Variants in TRPM3 observed in about 807,000 individuals in gnomAD.
The protein encoded by TRPM3 is transient receptor potential cation channel subfamily M member 3, also known as long transient receptor potential channel 3.
In TRPM3, 77 loss-of-function variants were observed where a neutral mutation model predicts 181.2. That is an observed-to-expected ratio of 0.42 (90% confidence interval 0.35 to 0.51). The LOEUF is 0.51. Ranked by LOEUF, TRPM3 falls within the 20% of genes least tolerant of loss-of-function variation. The pLI, the probability that TRPM3 is intolerant of heterozygous loss-of-function variation, is 0.01. For synonymous variants in TRPM3, 745 were observed against 796.4 expected, an observed-to-expected ratio of 0.94 and a Z score of 1.09; for missense variants, 1,759 against 2,196.7, an observed-to-expected ratio of 0.80 and a Z score of 3.98.
chr9:71,096,206 T>G (rs981517074), intron 1 of TRPM3, among the ~76,000 whole-genome samples: 3 of 151,072 alleles, frequency 2.0e-5, no homozygotes, highest in African/African-American at 7.3e-5. Flanking sequence ...AGAACAATGT[T>G]GCAAATGCTA....
chr9:70,978,317 A>G (rs919574311), intron 1 of TRPM3, among the ~76,000 whole-genome samples: 2 of 152,218 alleles, frequency 1.3e-5, no homozygotes, highest in African/African-American at 4.8e-5. Context: ...CTGCTTATAT[A>G]TTTATGTCCA....
chr9:70,854,302 A>G (rs1260127675), intron 3 of TRPM3, among the ~76,000 whole-genome samples: 1 of 152,238 alleles, frequency 6.6e-6, no homozygotes, highest in African/African-American at 2.4e-5. Flanking sequence ...CATAAGCAGC[A>G]TGATACTTGA....
At chr9:70,554,443 G>A (rs1181720919) in intron 22 of TRPM3, among the ~76,000 whole-genome samples, 2 of 152,124 alleles carry the variant, frequency 1.3e-5, no homozygotes, top group African/African-American at 2.4e-5. Context: ...GAATCTACTC[G>A]GCTGGAGTAC....
chr9:71,243,921 T>C (rs2081878298), intron 1 of TRPM3, among the ~76,000 whole-genome samples: 1 of 50,428 alleles, frequency 2.0e-5, no homozygotes, highest in South Asian at 8.4e-4. Flanking sequence ...TAAGATCATG[T>C]TTGATTTTAA....
chr9:71,031,029 A>G (rs993233468), intron 1 of TRPM3, among the ~76,000 whole-genome samples: 1 of 152,174 alleles, frequency 6.6e-6, no homozygotes, highest in African/African-American at 2.4e-5. Flanking sequence ...TCTAGATAAT[A>G]TCTTGGGCTG....
intron 1 of TRPM3, among the ~76,000 whole-genome samples, chr9:70,954,025 C>T (rs2097035553): frequency 6.6e-6 from 1 of 152,120 alleles, no homozygotes; most frequent in African/African-American, 2.4e-5. Context: ...ATTACATCCA[C>T]CTCCAAAAAT....
Position 71,422,501 on chromosome 9 carries a change from TCC to T in TRPM3, c.183+24150_183+24151del, listed in dbSNP as rs200119257. ...TGCCCCCTTGACCACATGCCTAATT[TCC>T]CAAGGAGTCTCAAGAGACATTTTAT... On this transcript the variant is annotated intron_variant, in intron 1 of 24. Coordinates refer to the TRPM3 transcript ENST00000357533. Among the ~76,000 whole-genome samples the T allele has an allele frequency of 9.4e-3, 1,437 of 152,162 alleles. 11 individuals are homozygous for T. The highest frequency in any genetic ancestry group is 0.041 in the Middle Eastern group (12 of 294).
intron 1 of TRPM3, among the ~76,000 whole-genome samples, chr9:71,150,502 T>C (rs2075675760): frequency 2.6e-5 from 4 of 152,136 alleles, no homozygotes; most frequent in African/African-American, 9.6e-5. Context: ...AAAGAGTAAA[T>C]AGTTTCAATA....
At chr9:70,797,083 T>C (rs1461400220) in intron 6 of TRPM3, among the ~76,000 whole-genome samples, 1 of 152,184 alleles carries the variant, frequency 6.6e-6, no homozygotes, top group Non-Finnish European at 1.5e-5. Context: ...TGAGCTGTGA[T>C]TGTGCCACTG....
At position 71,239,088 on chromosome 9, in the gene TRPM3, CA is replaced by C. The variant is rs929454771; in HGVS notation, c.183+207564del. On this transcript the variant is annotated intron_variant, in intron 1 of 24. Coordinates refer to the TRPM3 transcript ENST00000357533. ...TTGAAGAAGGAAAAAAACAAACAAA[CA>C]AAAAAAAACAGCATTTTAAAACTCT... Among the ~76,000 whole-genome samples the C allele has an allele frequency of 1.9e-3, 291 of 150,016 alleles. 3 individuals carry two copies. Among genetic ancestry groups the C allele is most frequent in the African/African-American group, 6.3e-3 (258 of 40,932 alleles).
At chr9:71,433,164 A>G (rs2093983189) in intron 1 of TRPM3, among the ~76,000 whole-genome samples, 1 of 152,162 alleles carries the variant, frequency 6.6e-6, no homozygotes, top group African/African-American at 2.4e-5. Flanking sequence ...TGAATGACCA[A>G]TTGCAGAATT....
At chr9:70,974,556 A>G (rs142771561) in intron 1 of TRPM3, among the ~76,000 whole-genome samples, 43,201 of 150,718 alleles carry the variant, frequency 0.29, 6,220 homozygotes, top group East Asian at 0.36. Context: ...ACAAACAAAC[A>G]AACAAACAAA....
chr9:70,605,523 C>A (rs956903233), intron 19 of TRPM3, among the ~76,000 whole-genome samples: 1 of 151,570 alleles, frequency 6.6e-6, no homozygotes, highest in South Asian at 2.1e-4. Context: ...GGAGCATTGG[C>A]AAATCATGAA....
chr9:71,059,369 T>G (rs1157064142), intron 1 of TRPM3, among the ~76,000 whole-genome samples: 2 of 151,992 alleles, frequency 1.3e-5, no homozygotes, highest in African/African-American at 4.8e-5. Flanking sequence ...TAATAAAACC[T>G]TAAAACATAT....
chr9:71,097,503 TCTTAGCTTAAAA>T (rs1390773490), intron 1 of TRPM3, among the ~76,000 whole-genome samples: 1 of 152,120 alleles, frequency 6.6e-6, no homozygotes, highest in African/African-American at 2.4e-5. Context: ...TCCAAACTTC[TCTTAGCTTAAAA>T]CTTACTTATC....
chr9:70,892,787 T>C lies in TRPM3; in HGVS notation c.178-28276A>G, dbSNP rs950374544. Among the ~76,000 whole-genome samples, 5 of 152,198 alleles carry C rather than the reference T, an allele frequency of 3.3e-5. No homozygotes were observed. The East Asian group carries it at 7.7e-4, about 23-fold the overall frequency. Reference sequence around the variant, plus strand: ...TTAATGTATGTGGTTAAAATGTAAGTGGTTAAAATCAGTAATTATTATTAC... The same window carrying C: ...TTAATGTATGTGGTTAAAATGTAAGCGGTTAAAATCAGTAATTATTATTAC... On this transcript the variant is annotated intron_variant, in intron 1 of 25. Transcript: ENST00000677713.
intron 1 of TRPM3, among the ~76,000 whole-genome samples, chr9:70,992,458 C>T (rs2097497261): frequency 6.6e-6 from 1 of 152,166 alleles, no homozygotes. Flanking sequence ...CTACTATGTG[C>T]TGGGTACTGT....
intron 8 of TRPM3, among the ~76,000 whole-genome samples, chr9:70,696,380 C>T (rs948968719): frequency 9.2e-5 from 14 of 152,320 alleles, no homozygotes; most frequent in African/African-American, 2.9e-4. Context: ...CCTCCTAATA[C>T]ACATCCTCAG....
chr9:70,998,200 TAC>T (rs2097562232), intron 1 of TRPM3, among the ~76,000 whole-genome samples: 2 of 145,466 alleles, frequency 1.4e-5, no homozygotes, highest in East Asian at 2.0e-4. Flanking sequence ...TACACATATA[TAC>T]ATATATATAC....
Sources: allele counts gnomAD v4.1 joint callset (sites outside exome capture counted in the v4.1 genomes callset), GRCh38; gene constraint gnomAD v4.1.1; transcripts MANE v1.5; gene names NCBI Gene and HGNC (gene_info 2026-07-23, HGNC 2026-07-21).